FBXL20: variants seen among roughly 807,000 people sequenced by gnomAD.
The protein encoded by FBXL20 is F-box/LRR-repeat protein 20.
A neutral mutation model predicts 64.0 loss-of-function variants in FBXL20; 11 were observed. That is an observed-to-expected ratio of 0.17 (90% confidence interval 0.11 to 0.28). The LOEUF is 0.28. Among genes scored for constraint, FBXL20 ranks in the 10% least tolerant of loss-of-function variants. The pLI, the probability that FBXL20 is intolerant of heterozygous loss-of-function variation, is 1.00. For synonymous variants in FBXL20, 184 were observed against 189.0 expected (o/e 0.97, Z 0.22); for missense variants, 303 against 526.2 (o/e 0.58, Z 4.15).
chr17:39,394,562 CT>C (rs1199686223), intron 1 of FBXL20, among the ~76,000 whole-genome samples: 1 of 147,862 alleles, frequency 6.8e-6, no homozygotes, highest in African/African-American at 2.5e-5. Flanking sequence ...CAGAATTTTT[CT>C]TTTCTTTTTT....
chr17:39,317,510 G>A (rs531608648), intron 2 of FBXL20, among the ~76,000 whole-genome samples: 24 of 152,000 alleles, frequency 1.6e-4, no homozygotes, highest in African/African-American at 5.3e-4. Context: ...GATTACAGGC[G>A]TGATCCACCG....
At chr17:39,349,324 CAAAAAAAAAA>C (rs1170336581) in intron 1 of FBXL20, among the ~76,000 whole-genome samples, 7 of 40,514 alleles carry the variant, frequency 1.7e-4, no homozygotes, top group South Asian at 2.2e-3. Context: ...GATTCCATCT[CAAAAAAAAAA>C]AAAAAAAAAA....
chr17:39,280,584 A>G lies in FBXL20; in HGVS notation c.696+805T>C, dbSNP rs1215424802. Among the ~76,000 whole-genome samples, 3 of 151,850 alleles carry G rather than the reference A, an allele frequency of 2.0e-5. No individual in the cohort carries two copies. The East Asian group carries it at 5.8e-4, about 29-fold the overall frequency. ...TTTGCCTCAAAATAAATAAATAAAT[A>G]AATAAATAACAAAATAAAGATGTAC... On this transcript the variant is annotated intron_variant, in intron 9 of 14. Coordinates refer to ENST00000264658, the MANE Select transcript of FBXL20 (RefSeq NM_032875.3).
In FBXL20 at chr17:39,304,782, T is replaced by TTTTG. The variant is rs565915270; in HGVS notation, c.105-1147_105-1144dup. Among the ~76,000 whole-genome samples, 766 of 152,176 alleles carry TTTTG rather than the reference T, an allele frequency of 5.0e-3. 3 individuals are homozygous for TTTTG. Among genetic ancestry groups the TTTTG allele is most frequent in the Admixed American group, 8.8e-3 (135 of 15,262 alleles). ...AATTTTTTTTTGTTGTTGTTGTTCT[T>TTTTG]TTTGTTTGTTTGTTTTTTTGAGAGA... On this transcript the variant is annotated intron_variant, in intron 2 of 14. Coordinates refer to ENST00000264658, the MANE Select transcript of FBXL20 (RefSeq NM_032875.3).
intron 1 of FBXL20, among the ~76,000 whole-genome samples, chr17:39,373,943 C>T (rs796604603): frequency 2.6e-5 from 4 of 152,166 alleles, no homozygotes; most frequent in South Asian, 2.1e-4. Flanking sequence ...AGATTATGGC[C>T]GGACACGGTG....
At chr17:39,377,586 C>T (rs1386943185) in intron 1 of FBXL20, among the ~76,000 whole-genome samples, 1 of 151,784 alleles carries the variant, frequency 6.6e-6, no homozygotes, top group Non-Finnish European at 1.5e-5. Flanking sequence ...CTGCAAGCTC[C>T]GCCTCCCAGG....
intron 2 of FBXL20, among the ~76,000 whole-genome samples, chr17:39,336,012 C>T (rs1056257207): frequency 1.3e-5 from 2 of 151,862 alleles, no homozygotes; most frequent in African/African-American, 4.8e-5. Flanking sequence ...CCCAGCTACT[C>T]AGGAGCTGAG....
intron 1 of FBXL20, among the ~76,000 whole-genome samples, chr17:39,343,917 G>T (rs750789289): frequency 6.6e-6 from 1 of 151,980 alleles, no homozygotes; most frequent in Non-Finnish European, 1.5e-5. Flanking sequence ...AGGCTGGAGT[G>T]CAGTGGTGCG....
intron 1 of FBXL20, among the ~76,000 whole-genome samples, chr17:39,397,856 A>G (rs1231007940): frequency 6.2e-5 from 8 of 129,834 alleles, no homozygotes; most frequent in African/African-American, 2.7e-4. Context: ...CAGTGGAGTC[A>G]AAAAAAAAAA....
chr17:39,285,420 T>A, intron 7 of FBXL20, 58 bp downstream of exon 7: 1 of 1,182,434 alleles, frequency 8.5e-7, no homozygotes, highest in South Asian at 1.6e-5. Context: ...TATCAATTAT[T>A]TTTTTAAAAT....
At chr17:39,365,235 A>C (rs2144623682) in intron 1 of FBXL20, among the ~76,000 whole-genome samples, 1 of 152,314 alleles carries the variant, frequency 6.6e-6, no homozygotes, top group East Asian at 1.9e-4. Context: ...CCATTCCTTC[A>C]TTCAACCAAC....
At chr17:39,375,064 C>T (rs966061404) in intron 1 of FBXL20, among the ~76,000 whole-genome samples, 9 of 152,142 alleles carry the variant, frequency 5.9e-5, no homozygotes, top group Non-Finnish European at 1.2e-4. Context: ...AGATTACAGG[C>T]GTGAGCCACC....
chr17:39,368,655 G>T (rs896677551), intron 1 of FBXL20, among the ~76,000 whole-genome samples: 5 of 151,894 alleles, frequency 3.3e-5, no homozygotes, highest in African/African-American at 1.2e-4. Context: ...TAACTTTTTT[G>T]TTTGTTTTTT....
chr17:39,292,593 T>C (rs905232789), intron 6 of FBXL20, among the ~76,000 whole-genome samples: 1 of 151,512 alleles, frequency 6.6e-6, no homozygotes, highest in Non-Finnish European at 1.5e-5. Flanking sequence ...TATTGTTCAG[T>C]TCTATTTCAG....
At chr17:39,322,861 G>C (rs182131198) in intron 2 of FBXL20, among the ~76,000 whole-genome samples, 506 of 152,052 alleles carry the variant, frequency 3.3e-3, no homozygotes, top group Non-Finnish European at 5.1e-3. Context: ...CTGGAGTGCA[G>C]TGGTGCAATC....
chr17:39,303,291 C>T (rs2047154197), intron 3 of FBXL20, among the ~76,000 whole-genome samples: 2 of 151,558 alleles, frequency 1.3e-5, no homozygotes, highest in African/African-American at 4.8e-5. Context: ...AACAAGATTT[C>T]ATCACAATTT....
At chr17:39,338,535 A>AAAT (rs34989636) in intron 2 of FBXL20, among the ~76,000 whole-genome samples, 58,564 of 151,214 alleles carry the variant, frequency 0.39, 14,192 homozygotes, top group African/African-American at 0.69. Flanking sequence ...GATCAATAAA[A>AAAT]AATAATAATA....
At chr17:39,365,043 T>A (rs1053356141) in intron 1 of FBXL20, among the ~76,000 whole-genome samples, 1 of 152,110 alleles carries the variant, frequency 6.6e-6, no homozygotes, top group African/African-American at 2.4e-5. Flanking sequence ...AAAAAGAAAT[T>A]TCATAGATTA....
intron 6 of FBXL20, 54 bp from the exon 7 acceptor site, chr17:39,285,627 T>C (rs2046982325): frequency 2.6e-6 from 3 of 1,176,396 alleles, no homozygotes; most frequent in Non-Finnish European, 3.7e-6. Flanking sequence ...GTACACATCC[T>C]TGGTATATCA....
Sources: allele counts gnomAD v4.1 joint callset (sites outside exome capture counted in the v4.1 genomes callset), GRCh38; gene constraint gnomAD v4.1.1; transcripts MANE v1.5; gene names NCBI Gene and HGNC (gene_info 2026-07-23, HGNC 2026-07-21).